DIAPH3: variants seen among roughly 807,000 people sequenced by gnomAD.
DIAPH3 encodes diaphanous related formin 3.
In DIAPH3, 117 loss-of-function variants were observed where a neutral mutation model predicts 144.3. That is an observed-to-expected ratio of 0.81 (90% CI 0.70 to 0.95). The LOEUF is 0.95. Ranked by LOEUF, DIAPH3 falls within the 40% of genes least tolerant of loss-of-function variation. The probability of loss-of-function intolerance (pLI) is 0.00; values close to 1 mark genes in which losing one functional copy is unlikely to be tolerated. For missense variants in DIAPH3, 1,421 were observed against 1,412.7 expected (o/e 1.01, Z -0.09); for synonymous variants, 519 against 488.9 (o/e 1.06, Z -0.81).
In DIAPH3 at chr13:60,066,505, T is replaced by C. The variant is rs543629108; in HGVS notation, c.496-23685A>G. Reference sequence around the variant, plus strand: ...TCTATGTGATGTAAATACTCCCAGATGGCTGATTACAAGCAACCAGTGCAA... The same window carrying C: ...TCTATGTGATGTAAATACTCCCAGACGGCTGATTACAAGCAACCAGTGCAA... On this transcript the variant is annotated intron_variant, in intron 4 of 27. Coordinates refer to ENST00000400324, the MANE Select transcript of DIAPH3 (RefSeq NM_001042517.2). 2.6e-5 allele frequency among the ~76,000 whole-genome samples: 4 copies of C among 152,326 alleles called. No homozygotes were observed. The East Asian group carries it at 7.7e-4, about 29-fold the overall frequency.
intron 4 of DIAPH3, among the ~76,000 whole-genome samples, chr13:60,059,409 T>C (rs977210460): frequency 6.6e-6 from 1 of 152,074 alleles, no homozygotes; most frequent in African/African-American, 2.4e-5. Context: ...TTTTTAAATT[T>C]ACAAATGTTT....
chr13:60,108,765 G>A (rs1376576032), intron 3 of DIAPH3, among the ~76,000 whole-genome samples: 1 of 152,126 alleles, frequency 6.6e-6, no homozygotes, highest in Non-Finnish European at 1.5e-5. Context: ...TGAAGATAGA[G>A]AAGTAAATGG....
intron 2 of DIAPH3, among the ~76,000 whole-genome samples, chr13:60,117,844 G>T (rs1159075692): frequency 1.3e-5 from 2 of 151,974 alleles, no homozygotes; most frequent in Non-Finnish European, 2.9e-5. Flanking sequence ...AATTTGGCTG[G>T]GGGTTGTTTA....
rs1190891181 is a variant in DIAPH3 at position 59,860,780 on chromosome 13, T to C, written c.2737+627A>G. Among the ~76,000 whole-genome samples, 3 of 151,996 alleles carry C rather than the reference T, an allele frequency of 2.0e-5. No homozygotes were observed. In the East Asian group the frequency reaches 5.8e-4, roughly 29 times the overall value. Reference sequence around the variant, plus strand: ...GAAAAAGAAAAAGAAAATTGAATTATTAAGGTAGTCAAAAAATTATATTTA... The same window carrying C: ...GAAAAAGAAAAAGAAAATTGAATTACTAAGGTAGTCAAAAAATTATATTTA... On this transcript the variant is annotated intron_variant, in intron 22 of 27. Coordinates refer to ENST00000400324, the MANE Select transcript of DIAPH3 (RefSeq NM_001042517.2).
intron 3 of DIAPH3, among the ~76,000 whole-genome samples, chr13:60,094,344 C>T (rs897895580): frequency 5.9e-5 from 9 of 152,178 alleles, no homozygotes; most frequent in Non-Finnish European, 1.2e-4. Context: ...CATTTCTCAA[C>T]AGCACCAACC....
At chr13:59,760,499 A>G (rs1435776009) in intron 27 of DIAPH3, among the ~76,000 whole-genome samples, 1 of 152,234 alleles carries the variant, frequency 6.6e-6, no homozygotes, top group African/African-American at 2.4e-5. Flanking sequence ...CAGAGCTAAA[A>G]TACAACAAGA....
chr13:59,719,541 G>A (rs746457725), intron 27 of DIAPH3, among the ~76,000 whole-genome samples: 1 of 151,918 alleles, frequency 6.6e-6, no homozygotes, highest in South Asian at 2.1e-4. Flanking sequence ...AGCAGCTATT[G>A]GAGAACACAT....
Position 59,996,468 on chromosome 13 carries a change from G to A in DIAPH3, c.1015-3885C>T, listed in dbSNP as rs143802412. ...TTCTGTGAGAAAAGGTATTTTAAAC[G>A]TAACTTCTAGCTGGAGGGGTGTGTG... is the stretch of plus-strand genomic sequence containing the variant. On this transcript the variant is annotated intron_variant, in intron 9 of 27. Transcript: ENST00000400324. 4.7e-3 allele frequency among the ~76,000 whole-genome samples: 715 copies of A among 152,134 alleles called. 3 individuals carry two copies. Among genetic ancestry groups the A allele is most frequent in the South Asian group, 0.026 (125 of 4,814 alleles).
chr13:59,900,758 C>T (rs2046384122), intron 20 of DIAPH3, among the ~76,000 whole-genome samples: 1 of 152,158 alleles, frequency 6.6e-6, no homozygotes, highest in African/African-American at 2.4e-5. Context: ...ATAACTCCAT[C>T]CCTGAACTCC....
intron 27 of DIAPH3, among the ~76,000 whole-genome samples, chr13:59,732,168 C>T (rs2138986992): frequency 6.6e-6 from 1 of 151,606 alleles, no homozygotes; most frequent in African/African-American, 2.4e-5. Context: ...TAAAAAAGTC[C>T]TCTTGTGAAA....
intron 18 of DIAPH3, among the ~76,000 whole-genome samples, chr13:59,921,478 G>GA (rs1219121303): frequency 2.0e-5 from 3 of 150,886 alleles, no homozygotes; most frequent in East Asian, 1.9e-4. Context: ...GGATAACCTA[G>GA]AAAAAAAATG....
intron 27 of DIAPH3, among the ~76,000 whole-genome samples, chr13:59,668,564 A>T (rs1457659361): frequency 1.3e-5 from 2 of 152,190 alleles, no homozygotes; most frequent in African/African-American, 4.8e-5. Context: ...AAGTAGGGAC[A>T]TTGTTTTAAA....
intron 20 of DIAPH3, among the ~76,000 whole-genome samples, chr13:59,882,486 G>A (rs929271021): frequency 3.3e-5 from 5 of 152,102 alleles, no homozygotes; most frequent in Admixed American, 1.3e-4. Flanking sequence ...TAAAAAGCCC[G>A]ACCAATGTTT....
At chr13:59,793,314 A>T (rs2039421603) in intron 25 of DIAPH3, among the ~76,000 whole-genome samples, 1 of 151,932 alleles carries the variant, frequency 6.6e-6, no homozygotes, top group South Asian at 2.1e-4. Flanking sequence ...CTCCTTTCTC[A>T]TTCCTCCCAG....
At chr13:60,069,303 T>C (rs1350730911) in intron 4 of DIAPH3, among the ~76,000 whole-genome samples, 5 of 152,146 alleles carry the variant, frequency 3.3e-5, no homozygotes, top group Admixed American at 3.3e-4. Context: ...GGTCTGCTCG[T>C]GTCCTTTGCC....
chr13:59,883,606 A>C (rs7335363), intron 20 of DIAPH3, among the ~76,000 whole-genome samples: 84,072 of 151,954 alleles, frequency 0.55, 24,663 homozygotes, highest in East Asian at 0.74. Flanking sequence ...TCACATTATA[A>C]GAAATAACAG....
intron 27 of DIAPH3, among the ~76,000 whole-genome samples, chr13:59,699,034 G>A (rs1310965473): frequency 6.6e-6 from 1 of 152,186 alleles, no homozygotes; most frequent in Non-Finnish European, 1.5e-5. Flanking sequence ...GTCAAGCTCT[G>A]TTCTAGGAAT....
At chr13:59,868,134 G>A (rs936304456) in intron 21 of DIAPH3, among the ~76,000 whole-genome samples, 1 of 152,080 alleles carries the variant, frequency 6.6e-6, no homozygotes, top group African/African-American at 2.4e-5. Flanking sequence ...AAATGATTTA[G>A]TAACATACGT....
chr13:59,797,647 C>T (rs534830871), intron 25 of DIAPH3, among the ~76,000 whole-genome samples: 8 of 152,180 alleles, frequency 5.3e-5, no homozygotes, highest in African/African-American at 1.9e-4. Flanking sequence ...AATCCTAGAG[C>T]CTTGGAACTG....
Sources: gnomAD v4.1 joint callset for allele counts (sites outside exome capture counted in the v4.1 genomes callset) on GRCh38, gnomAD v4.1.1 for gene constraint, MANE v1.5 for transcripts, NCBI Gene and HGNC (gene_info 2026-07-23, HGNC 2026-07-21) for gene names.